Variants in ABHD5 observed in about 807,000 individuals in gnomAD.
The protein encoded by ABHD5 is 1-acylglycerol-3-phosphate O-acyltransferase ABHD5.
In ABHD5, 30 loss-of-function variants were observed where a neutral mutation model predicts 44.9. The ratio of observed to expected loss-of-function variants is 0.67; its 90% CI spans 0.50 to 0.91. ABHD5 has a LOEUF of 0.91. Ranked by LOEUF, ABHD5 falls within the 40% of genes least tolerant of loss-of-function variation. The pLI is 0.00. For synonymous variants in ABHD5, 167 were observed against 147.0 expected (o/e 1.14, Z -0.99); for missense variants, 399 against 423.4 (o/e 0.94, Z 0.50).
chr3:43,713,024 A>T (rs1419512185), intron 4 of ABHD5, among the ~76,000 whole-genome samples: 1 of 152,056 alleles, frequency 6.6e-6, no homozygotes, highest in Non-Finnish European at 1.5e-5. Context: ...ACTATAGAAA[A>T]GATGCGTTCT....
rs3733154 is a variant in ABHD5, at chr3:43,733,389, T to C, written c.*30-491T>C. 1.0e-3 allele frequency among the ~76,000 whole-genome samples: 159 copies of C among 152,360 alleles called. 2 individuals are homozygous for C. The East Asian group carries it at 0.027, about 26-fold the overall frequency. ...CAGGTGCTCTCATATAATCAATCAC[T>C]GTTTGTTGAATGAACATGAATTGCT... On this transcript the variant is annotated intron_variant, in intron 7 of 7. Coordinates refer to the ABHD5 transcript ENST00000454293.
At chr3:43,711,987 TC>T in intron 4 of ABHD5, 124 bp downstream of exon 4, 2 of 1,258,198 alleles carry the variant, frequency 1.6e-6, no homozygotes, top group Non-Finnish European at 2.3e-6. Context: ...TTTCTCCTCT[TC>T]CTCTAATAAG....
chr3:43,726,460 A>G (rs962730085), downstream of ABHD5, among the ~76,000 whole-genome samples: 3 of 152,176 alleles, frequency 2.0e-5, no homozygotes, highest in African/African-American at 7.2e-5. Context: ...CAACACCATG[A>G]AAGGACTGGA....
chr3:43,732,241 G>A (rs954065566), intron 7 of ABHD5, among the ~76,000 whole-genome samples: 5 of 152,066 alleles, frequency 3.3e-5, no homozygotes, highest in African/African-American at 1.2e-4. Context: ...GACCAGCCTG[G>A]CCAACATGAT....
chr3:43,703,995 TCTC>T (rs1559413036), intron 3 of ABHD5, among the ~76,000 whole-genome samples: 1 of 152,194 alleles, frequency 6.6e-6, no homozygotes, highest in Non-Finnish European at 1.5e-5. Context: ...CAAATTTTCT[TCTC>T]CTGGTTGGCA....
intron 7 of ABHD5, among the ~76,000 whole-genome samples, chr3:43,731,585 A>G (rs2084912918): frequency 6.6e-6 from 1 of 152,176 alleles, no homozygotes; most frequent in Admixed American, 6.5e-5. Context: ...TAATCCCAGC[A>G]GTTTGGGAGG....
chr3:43,699,021 C>G (rs1393087631), intron 1 of ABHD5, among the ~76,000 whole-genome samples: 2 of 152,094 alleles, frequency 1.3e-5, no homozygotes, highest in African/African-American at 2.4e-5. Flanking sequence ...CCTCTTTTTG[C>G]TTATTTGGAA....
At chr3:43,704,843 C>A (rs1284016567) in intron 3 of ABHD5, among the ~76,000 whole-genome samples, 1 of 152,006 alleles carries the variant, frequency 6.6e-6, no homozygotes, top group African/African-American at 2.4e-5. Flanking sequence ...GTCTCAGGAC[C>A]AAGAATCATA....
intron 4 of ABHD5, among the ~76,000 whole-genome samples, chr3:43,712,364 G>A (rs1024928555): frequency 1.3e-5 from 2 of 152,160 alleles, no homozygotes; most frequent in African/African-American, 4.8e-5. Context: ...GTGTTGGAAA[G>A]ATAAAGTTAT....
chr3:43,692,043 G>A (rs776527987), intron 1 of ABHD5, among the ~76,000 whole-genome samples: 2 of 152,162 alleles, frequency 1.3e-5, no homozygotes, highest in Non-Finnish European at 2.9e-5. Context: ...TGTTATGGAG[G>A]TTATTGCCTT....
intron 4 of ABHD5, among the ~76,000 whole-genome samples, chr3:43,714,229 G>A (rs1401182205): frequency 6.6e-6 from 1 of 150,872 alleles, no homozygotes; most frequent in African/African-American, 2.4e-5. Flanking sequence ...CCACCTCCCA[G>A]GTTCAAGTGA....
rs1480761730 is a variant in ABHD5, at chr3:43,715,078, A to G, written c.773+20A>G. 6.6e-6 allele frequency: 9 copies of G among 1,372,358 alleles called. No individual in the cohort carries two copies. Among genetic ancestry groups the G allele is most frequent in the African/African-American group, 5.3e-5 (3 of 56,292 alleles). The allele number at this position is 1,372,358 out of a possible 1,614,324, so 85.0% of individuals were successfully genotyped here. A position where few individuals can be genotyped will look rare whatever the true frequency, so the allele number is the denominator to read the frequency against. On this transcript the variant is annotated intron_variant, in intron 5 of 6. Coordinates refer to ENST00000644371, the MANE Select transcript of ABHD5 (RefSeq NM_016006.6). The stretch of plus-strand genomic sequence containing the variant: ...TCCAAGGTGAGGGTTAGGATTCTCA[A>G]TTCACTCTGTGTGTGTGTGTGTGTG...
Position 43,718,553 on chromosome 3 carries a change from G to A in ABHD5, c.*21G>A. 1 of 1,607,444 alleles carries A rather than the reference G, an allele frequency of 6.2e-7. No individual in the cohort carries two copies. Among genetic ancestry groups the A allele is most frequent in the Non-Finnish European group, 8.5e-7 (1 of 1,173,942 alleles). Reference sequence around the variant, plus strand: ...ACTGAACACACTGAAGCTCTGATGGGAAAACCTGGTGACTGATATAGTTGT... The same window carrying A: ...ACTGAACACACTGAAGCTCTGATGGAAAAACCTGGTGACTGATATAGTTGT... On this transcript the variant is annotated 3_prime_UTR_variant, in exon 7 of 7. Coordinates refer to ENST00000644371, the MANE Select transcript of ABHD5 (RefSeq NM_016006.6).
Position 43,702,235 on chromosome 3 carries a change from AAAG to A in ABHD5, c.157_159del (p.Glu53del). 1 of 1,589,456 alleles carries A rather than the reference AAAG, an allele frequency of 6.3e-7. No individual in the cohort carries two copies. Among genetic ancestry groups the A allele is most frequent in the Non-Finnish European group, 8.6e-7 (1 of 1,164,826 alleles). ...ATTAGGTGTGCCTTGCACATACAAAAAAGAACCTGTTCGTATATCTAATGGAAA... is the reference window on the plus strand; with the variant it reads ...ATTAGGTGTGCCTTGCACATACAAAAAACCTGTTCGTATATCTAATGGAAA... On this transcript the variant is annotated inframe_deletion, in exon 3 of 7. Coordinates refer to ENST00000644371, the MANE Select transcript of ABHD5 (RefSeq NM_016006.6).
intron 2 of ABHD5, chr3:43,701,782 A>C (rs1020959942): frequency 3.8e-5 from 6 of 157,376 alleles, no homozygotes; most frequent in Non-Finnish European, 8.4e-5. Context: ...GCCTGACTTC[A>C]ACTCAAAGTT....
At chr3:43,712,908 G>T in intron 4 of ABHD5, among the ~76,000 whole-genome samples, 1 of 152,128 alleles carries the variant, frequency 6.6e-6, no homozygotes, top group Admixed American at 6.5e-5. Flanking sequence ...CTTATGACTC[G>T]GCCCACTCCT....
chr3:43,727,727 GCCT>G (rs2149611902), intron 7 of ABHD5, among the ~76,000 whole-genome samples: 1 of 152,212 alleles, frequency 6.6e-6, no homozygotes, highest in African/African-American at 2.4e-5. Flanking sequence ...TCCTGCTTCC[GCCT>G]CCCTAGTAGC....
In ABHD5 at chr3:43,699,073, T is replaced by C. The variant is rs34236746; in HGVS notation, c.48-203T>C. 0.012 allele frequency among the ~76,000 whole-genome samples: 1,818 copies of C among 152,364 alleles called. 20 individuals are homozygous for C. The highest frequency in any genetic ancestry group is 0.018 in the Non-Finnish European group (1,215 of 68,032). ...TAAGATGGACTTTGAGATCTACTTG[T>C]AAGTACACAGGCTGAAGTTGAATAT... is the stretch of plus-strand genomic sequence containing the variant. On this transcript the variant is annotated intron_variant, in intron 1 of 6. Transcript: ENST00000644371.
At chr3:43,730,886 T>C (rs1480657810) in intron 7 of ABHD5, among the ~76,000 whole-genome samples, 1 of 152,018 alleles carries the variant, frequency 6.6e-6, no homozygotes, top group Non-Finnish European at 1.5e-5. Context: ...TGGAGTGCAG[T>C]GGAGCAATCT....
Sources: allele counts gnomAD v4.1 joint callset (sites outside exome capture counted in the v4.1 genomes callset), GRCh38; gene constraint gnomAD v4.1.1; transcripts MANE v1.5; gene names NCBI Gene and HGNC (gene_info 2026-07-23, HGNC 2026-07-21).